The following HTR3B variants were observed in gnomAD, a reference collection of about 807,000 sequenced individuals.
HTR3B encodes 5-hydroxytryptamine (serotonin) receptor 3B, ionotropic.
HTR3B carries 44 observed loss-of-function variants against 42.8 expected under a neutral mutation model. That is an observed-to-expected ratio of 1.03 (90% CI 0.81 to 1.32). The LOEUF is 1.32. HTR3B is among the 40% of genes most tolerant of loss of function. The pLI is 0.00. For synonymous variants in HTR3B, 203 were observed against 209.0 expected (o/e 0.97, Z 0.25); for missense variants, 527 against 536.5 (o/e 0.98, Z 0.17).
At chr11:113,928,374 C>T (rs958172628) in intron 2 of HTR3B, among the ~76,000 whole-genome samples, 4 of 152,194 alleles carry the variant, frequency 2.6e-5, no homozygotes, top group Non-Finnish European at 5.9e-5. Context: ...ACTTTCCCTT[C>T]CTTCACCCCA....
At chr11:113,915,139 G>A (rs1318726599) in intron 2 of HTR3B, among the ~76,000 whole-genome samples, 4 of 151,796 alleles carry the variant, frequency 2.6e-5, no homozygotes, top group Admixed American at 2.0e-4. Flanking sequence ...TCTTGTCATA[G>A]TTTTACCAAT....
chr11:113,939,662 G>A (rs188245746), intron 6 of HTR3B, among the ~76,000 whole-genome samples: 2 of 152,296 alleles, frequency 1.3e-5, no homozygotes, highest in Non-Finnish European at 2.9e-5. Flanking sequence ...GCCTCTGGGT[G>A]GAGAGGTGTC....
rs1246999776 is a variant in HTR3B, at chr11:113,921,061, C to A, written c.214-10323C>A. On this transcript the variant is annotated intron_variant, in intron 2 of 8. Coordinates refer to ENST00000260191, the MANE Select transcript of HTR3B (RefSeq NM_006028.5). ...CTCCAGACCGCAAGTGATCCACCCA[C>A]CTCAGCCTCCCAGAGTGGTGGGATT... is the stretch of plus-strand genomic sequence containing the variant. Among the ~76,000 whole-genome samples the A allele has an allele frequency of 2.0e-5, 3 of 151,556 alleles. 1 individual carries two copies. Among genetic ancestry groups the A allele is most frequent in the South Asian group, 2.1e-4 (1 of 4,808 alleles).
At chr11:113,938,301 C>A (rs1950107366) in intron 6 of HTR3B, among the ~76,000 whole-genome samples, 1 of 152,152 alleles carries the variant, frequency 6.6e-6, no homozygotes, top group Non-Finnish European at 1.5e-5. Flanking sequence ...AGCCGCATCC[C>A]AACATCCCCC....
At chr11:113,919,528 C>A (rs1412494460) in intron 2 of HTR3B, among the ~76,000 whole-genome samples, 1 of 152,058 alleles carries the variant, frequency 6.6e-6, no homozygotes, top group Non-Finnish European at 1.5e-5. Context: ...TAATTTGAAA[C>A]TTAAGAGTAC....
chr11:113,900,737 C>T (rs1482734490), upstream of HTR3B, among the ~76,000 whole-genome samples: 2 of 152,010 alleles, frequency 1.3e-5, no homozygotes, highest in African/African-American at 4.8e-5. Flanking sequence ...AGGTGATCCA[C>T]GAGACTGGGT....
At chr11:113,915,147 A>G (rs1220675041) in intron 2 of HTR3B, among the ~76,000 whole-genome samples, 1 of 151,580 alleles carries the variant, frequency 6.6e-6, no homozygotes, top group African/African-American at 2.4e-5. Flanking sequence ...TAGTTTTACC[A>G]ATTTTATTTT....
chr11:113,908,227 G>T (rs758840837), intron 1 of HTR3B, among the ~76,000 whole-genome samples: 7 of 152,210 alleles, frequency 4.6e-5, no homozygotes, highest in Non-Finnish European at 8.8e-5. Flanking sequence ...AGAAATTGCT[G>T]CCTGTAGCGG....
chr11:113,922,043 G>A (rs1949921134), intron 2 of HTR3B, among the ~76,000 whole-genome samples: 1 of 152,096 alleles, frequency 6.6e-6, no homozygotes. Flanking sequence ...TTTCCTGCCT[G>A]TAAGTCATTC....
intron 2 of HTR3B, among the ~76,000 whole-genome samples, chr11:113,912,050 T>G (rs749577099): frequency 6.6e-5 from 10 of 152,210 alleles, no homozygotes; most frequent in Non-Finnish European, 1.0e-4. Context: ...GAGATTCACT[T>G]ATGTTGCGGT....
intron 6 of HTR3B, 97 bp from the exon 7 acceptor site, chr11:113,942,885 G>T (rs186994391): frequency 1.0e-5 from 10 of 956,994 alleles, no homozygotes; most frequent in Admixed American, 4.0e-5. Flanking sequence ...ATGCAAAAAC[G>T]TTGGGTCTTC....
chr11:113,899,699 A>G, the HTR3B span, among the ~76,000 whole-genome samples: 1 of 152,214 alleles, frequency 6.6e-6, no homozygotes, highest in Non-Finnish European at 1.5e-5. Flanking sequence ...TGTTTGCATA[A>G]TAAACACTTC....
chr11:113,910,995 T>A (rs1263541403), intron 2 of HTR3B, among the ~76,000 whole-genome samples: 2 of 149,820 alleles, frequency 1.3e-5, no homozygotes, highest in East Asian at 4.1e-4. Flanking sequence ...CCCGGCTAAT[T>A]TTTTGTATTT....
At chr11:113,928,982 A>G (rs1443196535) in intron 2 of HTR3B, among the ~76,000 whole-genome samples, 1 of 152,198 alleles carries the variant, frequency 6.6e-6, no homozygotes, top group Non-Finnish European at 1.5e-5. Context: ...ACATGTGTGT[A>G]TAAATACCTG....
At chr11:113,918,436 C>G (rs993110434) in intron 2 of HTR3B, among the ~76,000 whole-genome samples, 1 of 152,012 alleles carries the variant, frequency 6.6e-6, no homozygotes, top group African/African-American at 2.4e-5. Context: ...ACTCCTAACC[C>G]CTGGCAACCA....
At chr11:113,914,122 T>G (rs536323798) in intron 2 of HTR3B, among the ~76,000 whole-genome samples, 1 of 152,216 alleles carries the variant, frequency 6.6e-6, no homozygotes, top group South Asian at 2.1e-4. Flanking sequence ...AAAGTCCATT[T>G]CAATGAACAG....
intron 2 of HTR3B, among the ~76,000 whole-genome samples, chr11:113,922,650 G>A (rs908996918): frequency 2.0e-5 from 3 of 152,056 alleles, no homozygotes; most frequent in Non-Finnish European, 2.9e-5. Flanking sequence ...CCGCCTCCTC[G>A]GTTCACGCCA....
chr11:113,906,035 A>T (rs992859435), intron 1 of HTR3B, among the ~76,000 whole-genome samples: 6 of 152,256 alleles, frequency 3.9e-5, no homozygotes, highest in African/African-American at 1.4e-4. Context: ...AAGATAAAAT[A>T]GAAAAATGAA....
rs1205860403 is a variant in HTR3B at position 113,947,230 on chromosome 11, A to C, written c.*1093A>C. Among the ~76,000 whole-genome samples the C allele has an allele frequency of 6.6e-6, 1 of 151,772 alleles. No homozygotes were observed. The highest frequency in any genetic ancestry group is 1.5e-5 in the Non-Finnish European group (1 of 67,982). On this transcript the variant is annotated 3_prime_UTR_variant, in exon 9 of 9. Coordinates refer to ENST00000260191, the MANE Select transcript of HTR3B (RefSeq NM_006028.5). ...GCAATTCCCCTGCCTCAGCCTCCCG[A>C]GTAGCTGGAACTACAGGTGCATGCC...
Sources: allele counts gnomAD v4.1 joint callset (sites outside exome capture counted in the v4.1 genomes callset), GRCh38; gene constraint gnomAD v4.1.1; transcripts MANE v1.5; gene names NCBI Gene and HGNC (gene_info 2026-07-23, HGNC 2026-07-21).